TMEM178B: variants seen among roughly 807,000 people sequenced by gnomAD.
TMEM178B encodes the protein transmembrane protein 178B.
A neutral mutation model predicts 31.0 loss-of-function variants in TMEM178B; 5 were observed. That is an observed-to-expected ratio of 0.16 (90% CI 0.08 to 0.34). The LOEUF is 0.34. TMEM178B is among the 10% of genes least tolerant of loss of function. The pLI is 1.00. For missense variants in TMEM178B, 275 were observed against 400.3 expected (o/e 0.69, Z 2.67); for synonymous variants, 164 against 164.0 (o/e 1.00, Z 0.00).
the TMEM178B span, among the ~76,000 whole-genome samples, chr7:141,504,631 A>G: frequency 2.0e-5 from 3 of 152,256 alleles, no homozygotes; most frequent in South Asian, 6.2e-4. Context: ...AGTACAAGGT[A>G]AAAGCAAAGG....
intron 1 of TMEM178B, among the ~76,000 whole-genome samples, chr7:141,149,586 A>G (rs1795925051): frequency 6.6e-6 from 1 of 152,228 alleles, no homozygotes; most frequent in African/African-American, 2.4e-5. Context: ...ATGTAAGTTA[A>G]GATGAGGTCA....
chr7:141,313,965 G>C (rs556973332), intron 2 of TMEM178B, among the ~76,000 whole-genome samples: 2 of 152,246 alleles, frequency 1.3e-5, no homozygotes, highest in African/African-American at 4.8e-5. Context: ...ATGAGAGAGA[G>C]CTTCCACTAA....
intron 2 of TMEM178B, among the ~76,000 whole-genome samples, chr7:141,270,117 C>T (rs1403235253): frequency 1.3e-5 from 2 of 152,040 alleles, no homozygotes; most frequent in African/African-American, 4.8e-5. Flanking sequence ...AAAGCAACAA[C>T]AGAAAAGAAT....
chr7:141,346,774 G>A (rs1163574834), intron 2 of TMEM178B, among the ~76,000 whole-genome samples: 1 of 152,072 alleles, frequency 6.6e-6, no homozygotes, highest in Non-Finnish European at 1.5e-5. Flanking sequence ...CATGCTAATA[G>A]GATTACATGT....
intron 2 of TMEM178B, among the ~76,000 whole-genome samples, chr7:141,290,117 C>T (rs1257908689): frequency 6.6e-6 from 1 of 152,212 alleles, no homozygotes; most frequent in African/African-American, 2.4e-5. Flanking sequence ...CTGTCTTTCA[C>T]TTCTTTTGGT....
chr7:141,497,119 A>T, the TMEM178B span, among the ~76,000 whole-genome samples: 1 of 152,180 alleles, frequency 6.6e-6, no homozygotes, highest in African/African-American at 2.4e-5. Context: ...TGACTTAGAC[A>T]GTAAGAGCCC....
intron 2 of TMEM178B, among the ~76,000 whole-genome samples, chr7:141,360,169 T>C (rs1210627054): frequency 2.0e-5 from 3 of 152,228 alleles, no homozygotes; most frequent in Non-Finnish European, 2.9e-5. Flanking sequence ...TGCCATGCTT[T>C]ACCTGCATAG....
intron 2 of TMEM178B, among the ~76,000 whole-genome samples, chr7:141,261,638 C>T (rs558052535): frequency 3.9e-5 from 6 of 152,202 alleles, no homozygotes; most frequent in African/African-American, 1.4e-4. Flanking sequence ...TTACAACTTC[C>T]CCAGACTGAG....
At chr7:141,421,145 G>A (rs946543278) in intron 2 of TMEM178B, among the ~76,000 whole-genome samples, 1 of 152,126 alleles carries the variant, frequency 6.6e-6, no homozygotes, top group Non-Finnish European at 1.5e-5. Context: ...TATGCAATGG[G>A]CTTTGGAAAA....
chr7:141,242,275 A>C (rs1797635252), intron 2 of TMEM178B, among the ~76,000 whole-genome samples: 1 of 152,198 alleles, frequency 6.6e-6, no homozygotes. Flanking sequence ...TTTAAGTGGA[A>C]GTTTGATTAA....
intron 2 of TMEM178B, among the ~76,000 whole-genome samples, chr7:141,269,179 C>G (rs1240099559): frequency 1.3e-5 from 2 of 151,818 alleles, no homozygotes; most frequent in Non-Finnish European, 2.9e-5. Context: ...TAACCTACAC[C>G]TCCCGGGTTC....
rs139379785 is a variant in TMEM178B, at chr7:141,124,432, C to T, written c.382+49740C>T. On this transcript the variant is annotated intron_variant, in intron 1 of 3. Coordinates refer to ENST00000565468, the MANE Select transcript of TMEM178B (RefSeq NM_001195278.2). ...TCTGCCTCAATGGACACAGGTTAGTCTATCTGGTAATGAATATCAAACATT... is the reference window on the plus strand; with the variant it reads ...TCTGCCTCAATGGACACAGGTTAGTTTATCTGGTAATGAATATCAAACATT... 1.3e-4 allele frequency among the ~76,000 whole-genome samples: 20 copies of T among 152,254 alleles called. No homozygotes were observed. The East Asian group carries it at 3.9e-3, about 29-fold the overall frequency.
chr7:141,216,326 G>T (rs975506021), intron 2 of TMEM178B, among the ~76,000 whole-genome samples: 1 of 152,064 alleles, frequency 6.6e-6, no homozygotes, highest in Non-Finnish European at 1.5e-5. Flanking sequence ...GTGACTAGCA[G>T]GTGAAAGGGT....
chr7:141,133,822 G>T (rs1795632687), intron 1 of TMEM178B, among the ~76,000 whole-genome samples: 1 of 152,130 alleles, frequency 6.6e-6, no homozygotes, highest in Non-Finnish European at 1.5e-5. Flanking sequence ...AAAGAATTCT[G>T]AAAAATAACA....
intron 2 of TMEM178B, among the ~76,000 whole-genome samples, chr7:141,258,340 T>TA (rs552505213): frequency 2.6e-5 from 4 of 151,994 alleles, no homozygotes; most frequent in East Asian, 1.9e-4. Context: ...GCTGATGAGT[T>TA]AAAAAAAATC....
At chr7:141,375,682 T>C (rs1563165435) in intron 2 of TMEM178B, among the ~76,000 whole-genome samples, 1 of 152,172 alleles carries the variant, frequency 6.6e-6, no homozygotes, top group Admixed American at 6.5e-5. Context: ...GAGGCTACGG[T>C]TATTAAATTA....
chr7:141,500,787 C>T, the TMEM178B span, among the ~76,000 whole-genome samples: 2 of 152,202 alleles, frequency 1.3e-5, no homozygotes, highest in African/African-American at 4.8e-5. Context: ...GATCCACCCT[C>T]AACCCAGAGC....
intron 2 of TMEM178B, among the ~76,000 whole-genome samples, chr7:141,315,372 C>T (rs1328243199): frequency 6.6e-6 from 1 of 152,180 alleles, no homozygotes; most frequent in East Asian, 1.9e-4. Flanking sequence ...TGTGAATCCA[C>T]ACCTCCAGTC....
At chr7:141,262,094 G>C (rs1296371785) in intron 2 of TMEM178B, among the ~76,000 whole-genome samples, 12 of 152,166 alleles carry the variant, frequency 7.9e-5, no homozygotes, top group Non-Finnish European at 1.6e-4. Flanking sequence ...AAGGAGAGAA[G>C]ATAGAGGTGC....
Sources: gnomAD v4.1 joint callset for allele counts (sites outside exome capture counted in the v4.1 genomes callset) on GRCh38, gnomAD v4.1.1 for gene constraint, MANE v1.5 for transcripts, NCBI Gene and HGNC (gene_info 2026-07-23, HGNC 2026-07-21) for gene names.